RPL37A: variants seen among roughly 807,000 people sequenced by gnomAD.
RPL37A encodes the protein ribosomal protein L37a.
A neutral mutation model predicts 13.6 loss-of-function variants in RPL37A; 5 were observed. The observed-to-expected ratio is 0.37, with a 90% CI of 0.19 to 0.78. RPL37A has a LOEUF of 0.78. Among genes scored for constraint, RPL37A ranks in the 30% least tolerant of loss-of-function variants. The pLI is 0.49. For missense variants in RPL37A, 77 were observed against 120.0 expected (o/e 0.64, Z 1.67); for synonymous variants, 50 against 44.4 (o/e 1.13, Z -0.50).
intron 3 of RPL37A, chr2:216,500,894 T>C (rs1695589018): frequency 6.5e-6 from 1 of 152,696 alleles, no homozygotes; most frequent in South Asian, 2.1e-4. Context: ...TATCATCTTG[T>C]AATTTATTCA....
In RPL37A at chr2:216,503,787, C is replaced by T. The variant is rs968775943; in HGVS notation, c.*2383C>T. On this transcript the variant is annotated 3_prime_UTR_variant, in exon 4 of 4. Transcript: ENST00000491306. The stretch of plus-strand genomic sequence containing the variant: ...AAGTGCTGAGATAAATATTTTTATA[C>T]CTAAGGAAATAGTGATTTTCCCAAG... 1.3e-5 allele frequency: 2 copies of T among 152,130 alleles called. No homozygotes were observed. Among genetic ancestry groups the T allele is most frequent in the African/African-American group, 4.8e-5 (2 of 41,404 alleles). 9.4% of individuals were successfully genotyped at this position (152,130 alleles called of 1,614,324 possible).
rs1292418378 is a variant in RPL37A at position 216,499,495 on chromosome 2, T to TG, written c.132+100dup. 2.1e-6 allele frequency: 3 copies of TG among 1,426,386 alleles called. No homozygotes were observed. In the African/African-American group the frequency reaches 4.3e-5, roughly 20 times the overall value. The allele number at this position is 1,426,386 out of a possible 1,614,324, so 88.4% of individuals were successfully genotyped here. A position where few individuals can be genotyped will look rare whatever the true frequency, so the allele number is the denominator to read the frequency against. ...AGGTATTTTATAAGCCGTGTGCTGG[T>TG]GGGCAGTTGGAATTACTCATACCGT... is the stretch of plus-strand genomic sequence containing the variant. On this transcript the variant is annotated intron_variant, in intron 2 of 3. Coordinates refer to ENST00000491306, the MANE Select transcript of RPL37A (RefSeq NM_000998.5).
chr2:216,500,411 A>ATAC, intron 3 of RPL37A: 1 of 283,454 alleles, frequency 3.5e-6, no homozygotes, highest in East Asian at 9.2e-5. Flanking sequence ...TTGGAACTTG[A>ATAC]GGCCATCAGG....
At chr2:216,500,198 G>A in intron 3 of RPL37A, 167 bp downstream of exon 3, 1 of 621,030 alleles carries the variant, frequency 1.6e-6, no homozygotes, top group South Asian at 2.0e-5. Context: ...GTTATTGAAA[G>A]AGTAAACACA....
At position 216,501,349 on chromosome 2, in the gene RPL37A, C is replaced by A. The variant is rs1359560918; in HGVS notation, c.224C>A (p.Ser75Tyr). Reference protein sequence around the residue: ...AGGAWTYNTTSAVTVKSAIRR... With the variant: ...AGGAWTYNTTYAVTVKSAIRR... Reference sequence around the variant, plus strand: ...TGAATCTTTCTTTCCAGTACCACTTCCGCTGTCACGGTAAAGTCCGCCATC... The same window carrying A: ...TGAATCTTTCTTTCCAGTACCACTTACGCTGTCACGGTAAAGTCCGCCATC... Residue 75 changes from serine to tyrosine, a missense_variant, in exon 4 of 4, where the codon TCC becomes TAC. Around this residue, in one of 3 missense-constraint regions of RPL37A, gnomAD observed 59 missense variants for 65.5 expected, o/e 0.90. Coordinates refer to ENST00000491306, the MANE Select transcript of RPL37A (RefSeq NM_000998.5). 3 of 1,612,696 alleles carry A rather than the reference C, an allele frequency of 1.9e-6. No individual in the cohort carries two copies. Among genetic ancestry groups the A allele is most frequent in the South Asian group, 2.2e-5 (2 of 90,954 alleles).
intron 2 of RPL37A, 123 bp downstream of exon 2, chr2:216,499,521 T>A (rs1392629121): frequency 2.3e-5 from 27 of 1,149,508 alleles, no homozygotes; most frequent in Admixed American, 8.5e-5. Flanking sequence ...CTCATACCGT[T>A]GATTATGAGT....
At chr2:216,499,691 C>G in intron 2 of RPL37A, 2 of 656,274 alleles carry the variant, frequency 3.0e-6, no homozygotes, top group Non-Finnish European at 5.5e-6. Context: ...GTTTTGTCTA[C>G]TGATGTTTCT....
At chr2:216,499,221 C>T in intron 1 of RPL37A, 49 bp from the exon 2 acceptor site, 2 of 1,586,258 alleles carry the variant, frequency 1.3e-6, no homozygotes, top group African/African-American at 1.3e-5. Flanking sequence ...GCTCCAGGGC[C>T]TGCCTGGGTT....
rs768079697 is a variant in RPL37A, at chr2:216,502,893, A to G, written c.*1489A>G. The G allele has an allele frequency of 9.9e-5, 15 of 152,114 alleles. No individual in the cohort carries two copies. Among genetic ancestry groups the G allele is most frequent in the Non-Finnish European group, 2.1e-4 (14 of 68,022 alleles). The allele number at this position is 152,114 out of a possible 1,614,324, so 9.4% of individuals were successfully genotyped here. ...CATTGCCTCTGGCAGAAACATCGCT[A>G]CCCCAGGAGAATACTTCACTGGGTC... On this transcript the variant is annotated 3_prime_UTR_variant, in exon 4 of 4. Coordinates refer to ENST00000491306, the MANE Select transcript of RPL37A (RefSeq NM_000998.5).
chr2:216,499,067 C>T (rs1695551104), intron 1 of RPL37A, 190 bp downstream of exon 1: 2 of 1,151,312 alleles, frequency 1.7e-6, no homozygotes, highest in African/African-American at 1.6e-5. Context: ...GCCTGGCGCG[C>T]TCCAGCCGGG....
At chr2:216,498,937 T>G in intron 1 of RPL37A, 60 bp downstream of exon 1, 2 of 1,608,114 alleles carry the variant, frequency 1.2e-6, no homozygotes, top group Non-Finnish European at 1.7e-6. Flanking sequence ...CCTTGTTTTC[T>G]TCTCCCGCAC....
At position 216,503,109 on chromosome 2, in the gene RPL37A, C is replaced by T. The variant is rs1365561471; in HGVS notation, c.*1705C>T. 1.3e-5 allele frequency: 2 copies of T among 152,160 alleles called. No individual in the cohort carries two copies. Among genetic ancestry groups the T allele is most frequent in the Non-Finnish European group, 2.9e-5 (2 of 68,028 alleles). The allele number at this position is 152,160 out of a possible 1,614,324, so 9.4% of individuals were successfully genotyped here. On this transcript the variant is annotated 3_prime_UTR_variant, in exon 4 of 4. Transcript: ENST00000491306. ...CTCCAGGTGAATCTCCTGGAGAATT[C>T]TCCATAGGATCTCCAGGTGAGTGAC... is the stretch of plus-strand genomic sequence containing the variant.
At chr2:216,499,085 C>T (rs1344980951) in intron 1 of RPL37A, 185 bp from the exon 2 acceptor site, 56 of 1,133,376 alleles carry the variant, frequency 4.9e-5, no homozygotes, top group Non-Finnish European at 5.0e-6. Context: ...GGGTTAACGC[C>T]GGGCCTTCGG....
intron 2 of RPL37A, 192 bp from the exon 3 acceptor site, chr2:216,499,757 G>A (rs1695566245): frequency 7.1e-6 from 5 of 708,380 alleles, no homozygotes; most frequent in South Asian, 4.5e-5. Flanking sequence ...TTCTGCGAGG[G>A]ATTTTTGTTT....
chr2:216,501,651 T>C lies in RPL37A; in HGVS notation c.*247T>C. ...GATATGAGTGTTAGCTTTTTATAAG[T>C]CTGCTCCTGCCAGTTTGACTTTGAG... On this transcript the variant is annotated 3_prime_UTR_variant, in exon 4 of 4. Coordinates refer to ENST00000491306, the MANE Select transcript of RPL37A (RefSeq NM_000998.5). 2.9e-6 allele frequency: 1 copy of C among 343,754 alleles called. No individual in the cohort carries two copies. The highest frequency in any genetic ancestry group is 5.7e-5 in the South Asian group (1 of 17,396). The allele number at this position is 343,754 out of a possible 1,614,324, so 21.3% of individuals were successfully genotyped here.
chr2:216,502,323 CAA>C lies in RPL37A; in HGVS notation c.*926_*927del, dbSNP rs566996863. 260 of 151,684 alleles carry C rather than the reference CAA, an allele frequency of 1.7e-3. 3 individuals carry two copies. Among genetic ancestry groups the C allele is most frequent in the African/African-American group, 6.0e-3 (248 of 41,426 alleles). The allele number at this position is 151,684 out of a possible 1,614,324, so 9.4% of individuals were successfully genotyped here. A position where few individuals can be genotyped will look rare whatever the true frequency, so the allele number is the denominator to read the frequency against. On this transcript the variant is annotated 3_prime_UTR_variant, in exon 4 of 4. Coordinates refer to ENST00000491306, the MANE Select transcript of RPL37A (RefSeq NM_000998.5). ...TTTAGCCAGGACAACACTCTGTCTC[CAA>C]AAAAAAGTTTCTGAAGGTAAAAGAT...
Position 216,504,052 on chromosome 2 carries a change from G to T in RPL37A, c.*2648G>T, listed in dbSNP as rs537132543. The T allele has an allele frequency of 1.3e-5, 2 of 152,314 alleles. No homozygotes were observed. Among genetic ancestry groups the T allele is most frequent in the South Asian group, 4.1e-4 (2 of 4,830 alleles). 9.4% of individuals were successfully genotyped at this position (152,314 alleles called of 1,614,324 possible). A position where few individuals can be genotyped will look rare whatever the true frequency, so the allele number is the denominator to read the frequency against. Reference sequence around the variant, plus strand: ...AAGTCATCTAATTGAACATTGTGTTGTGATATAAAAAGTAAGTTAGGCTTG... The same window carrying T: ...AAGTCATCTAATTGAACATTGTGTTTTGATATAAAAAGTAAGTTAGGCTTG... On this transcript the variant is annotated 3_prime_UTR_variant, in exon 4 of 4. Coordinates refer to ENST00000491306, the MANE Select transcript of RPL37A (RefSeq NM_000998.5).
chr2:216,502,659 GTCC>G lies in RPL37A; in HGVS notation c.*1260_*1262del, dbSNP rs759146122. On this transcript the variant is annotated 3_prime_UTR_variant, in exon 4 of 4. Transcript: ENST00000491306. ...AACCATCTGTGGTATGGACTTCTCA[GTCC>G]TCCTAATTGGTATGTCTTTTATCTA... 1 of 152,194 alleles carries G rather than the reference GTCC, an allele frequency of 6.6e-6. No individual in the cohort carries two copies. The highest frequency in any genetic ancestry group is 1.5e-5 in the Non-Finnish European group (1 of 68,034). 9.4% of individuals were successfully genotyped at this position (152,194 alleles called of 1,614,324 possible). A position where few individuals can be genotyped will look rare whatever the true frequency, so the allele number is the denominator to read the frequency against.
chr2:216,501,933 G>C lies in RPL37A; in HGVS notation c.*529G>C, dbSNP rs1695605252. The C allele has an allele frequency of 6.5e-6, 1 of 153,046 alleles. No homozygotes were observed. Among genetic ancestry groups the C allele is most frequent in the Non-Finnish European group, 1.5e-5 (1 of 68,756 alleles). 9.5% of individuals were successfully genotyped at this position (153,046 alleles called of 1,614,324 possible). A position where few individuals can be genotyped will look rare whatever the true frequency, so the allele number is the denominator to read the frequency against. On this transcript the variant is annotated 3_prime_UTR_variant, in exon 4 of 4. Transcript: ENST00000491306. ...GAGTTTTCACCACATTGGCCAGGCT[G>C]TTCTTGAACTGACCTCAAGCGATCC...
Sources: allele counts gnomAD v4.1 joint callset, GRCh38; gene constraint gnomAD v4.1.1; regional missense constraint gnomAD v4.1.1; transcripts MANE v1.5; gene names NCBI Gene and HGNC (gene_info 2026-07-23, HGNC 2026-07-21).